Variants in HS6ST2 observed in about 807,000 individuals in gnomAD.
HS6ST2 encodes heparan-sulfate 6-O-sulfotransferase 2.
Under a neutral mutation model 33.0 loss-of-function variants are expected in HS6ST2, and 17 were observed. That is an observed-to-expected ratio of 0.52 (90% CI 0.35 to 0.77). The LOEUF (loss-of-function observed/expected upper bound fraction) is 0.77. Ranked by LOEUF, HS6ST2 falls within the 30% of genes least tolerant of loss-of-function variation. The probability of loss-of-function intolerance (pLI) is 0.01; values close to 1 mark genes in which losing one functional copy is unlikely to be tolerated. For synonymous variants in HS6ST2, 248 were observed against 237.1 expected (o/e 1.05, Z -0.42); for missense variants, 519 against 551.7 (o/e 0.94, Z 0.59).
At chrX:132,807,463 C>T in intron 2 of HS6ST2, among the ~76,000 whole-genome samples, 1 of 104,193 alleles carries the variant, frequency 9.6e-6, no homozygotes, top group East Asian at 2.8e-4. Context: ...ATGAGTAGAG[C>T]TGAAGGGAGA....
In HS6ST2 at chrX:132,787,171, A is replaced by G. The variant is rs113346127; in HGVS notation, c.948-78677T>C. On this transcript the variant is annotated intron_variant, in intron 2 of 4. Transcript: ENST00000370833. ...TGTGTGTGTGTATATATATATGTAT[A>G]TATATATATATATATACATATATAT... 5.2e-3 allele frequency among the ~76,000 whole-genome samples: 421 copies of G among 81,727 alleles called. 15 individuals carry two copies. Among genetic ancestry groups the G allele is most frequent in the African/African-American group, 0.021 (390 of 18,670 alleles). The allele number at this position is 81,727 out of a possible 115,157, so 71.0% of individuals were successfully genotyped here.
intron 2 of HS6ST2, among the ~76,000 whole-genome samples, chrX:132,774,103 T>C (rs906243424): frequency 3.6e-5 from 4 of 112,421 alleles, no homozygotes; most frequent in Non-Finnish European, 7.5e-5. Context: ...CAGCATATGA[T>C]TTAAAGGGGG....
chrX:132,680,296 G>T (rs1022839858), intron 3 of HS6ST2, among the ~76,000 whole-genome samples: 1 of 111,154 alleles, frequency 9.0e-6, no homozygotes, highest in Non-Finnish European at 1.9e-5. Context: ...TCTGTTTGGG[G>T]TCCCTGACTT....
At chrX:132,684,309 A>G (rs1201625102) in intron 3 of HS6ST2, among the ~76,000 whole-genome samples, 1 of 104,511 alleles carries the variant, frequency 9.6e-6, no homozygotes, top group Admixed American at 1.1e-4. Context: ...ACATATATGT[A>G]TATATATGTA....
At chrX:132,669,052 G>A (rs1447118917) in intron 4 of HS6ST2, 61 bp downstream of exon 4, 1 of 717,379 alleles carries the variant, frequency 1.4e-6, no homozygotes, top group East Asian at 3.3e-5. Flanking sequence ...ATGACAAAAG[G>A]AGGACAGCAC....
chrX:132,855,435 T>C (rs749919904), intron 2 of HS6ST2, among the ~76,000 whole-genome samples: 24 of 112,543 alleles, frequency 2.1e-4, no homozygotes, highest in Middle Eastern at 4.6e-3. Flanking sequence ...GAACCATGTC[T>C]ATTTATTCAC....
chrX:132,764,203 A>G (rs978245742), intron 2 of HS6ST2, among the ~76,000 whole-genome samples: 1 of 112,256 alleles, frequency 8.9e-6, no homozygotes, highest in African/African-American at 3.2e-5. Flanking sequence ...AGATCTTTCA[A>G]CCTAGTTTGC....
At chrX:132,804,217 A>G (rs1276720982) in intron 2 of HS6ST2, among the ~76,000 whole-genome samples, 1 of 111,870 alleles carries the variant, frequency 8.9e-6, no homozygotes. Context: ...TGGGAGGCCA[A>G]AAGATTCTGT....
chrX:132,838,783 A>T (rs988683064), intron 2 of HS6ST2, among the ~76,000 whole-genome samples: 1 of 109,820 alleles, frequency 9.1e-6, no homozygotes, highest in Non-Finnish European at 1.9e-5. Context: ...ATTTTTTTTT[A>T]AAAAAACACC....
intron 3 of HS6ST2, among the ~76,000 whole-genome samples, chrX:132,691,145 C>G (rs144526523): frequency 1.3e-3 from 150 of 111,573 alleles, no homozygotes; most frequent in African/African-American, 4.1e-3. Context: ...ATTGTAGACC[C>G]GATTCTAGCT....
intron 4 of HS6ST2, among the ~76,000 whole-genome samples, chrX:132,643,679 C>T (rs1418222504): frequency 9.0e-6 from 1 of 111,490 alleles, no homozygotes; most frequent in Non-Finnish European, 1.9e-5. Flanking sequence ...TCCTGAATAT[C>T]ACCCTTAAGA....
At chrX:132,787,890 CA>C (rs1249808889) in intron 2 of HS6ST2, among the ~76,000 whole-genome samples, 55 of 93,295 alleles carry the variant, frequency 5.9e-4, no homozygotes, top group Middle Eastern at 5.1e-3. Context: ...GACTCCATCT[CA>C]AAAAAAAAAA....
At chrX:132,635,556 T>G (rs2063546985) in intron 4 of HS6ST2, among the ~76,000 whole-genome samples, 1 of 111,564 alleles carries the variant, frequency 9.0e-6, no homozygotes, top group South Asian at 3.7e-4. Flanking sequence ...GTGAGCTCCC[T>G]CTATACAAGT....
chrX:132,868,335 GGAGAC>G (rs980406323), intron 2 of HS6ST2, among the ~76,000 whole-genome samples: 1 of 111,621 alleles, frequency 9.0e-6, no homozygotes, highest in Non-Finnish European at 1.9e-5. Context: ...AATAATAGTG[GGAGAC>G]TTTAACACCT....
At position 132,869,383 on chromosome X, in the gene HS6ST2, A is replaced by G. The variant is rs1472938276; in HGVS notation, c.947+87425T>C. Among the ~76,000 whole-genome samples, 34 of 112,190 alleles carry G rather than the reference A, an allele frequency of 3.0e-4. No homozygotes were observed. In the Admixed American group the frequency reaches 3.1e-3, roughly 10 times the overall value. On this transcript the variant is annotated intron_variant, in intron 2 of 4. Transcript: ENST00000370833. Reference sequence around the variant, plus strand: ...TCCTTCTGAAACTATTCCAATCAATAGAAAAAGAGGGACGCCTCCCTAACT... The same window carrying G: ...TCCTTCTGAAACTATTCCAATCAATGGAAAAAGAGGGACGCCTCCCTAACT...
At chrX:132,882,742 G>T (rs1270075689) in intron 2 of HS6ST2, among the ~76,000 whole-genome samples, 18 of 110,942 alleles carry the variant, frequency 1.6e-4, no homozygotes, top group African/African-American at 5.9e-4. Flanking sequence ...TGCCCATTCA[G>T]TATGATATTG....
chrX:132,657,518 A>G (rs1246036948), intron 4 of HS6ST2, among the ~76,000 whole-genome samples: 2 of 110,539 alleles, frequency 1.8e-5, no homozygotes, highest in African/African-American at 3.3e-5. Context: ...GAGTCTGTCA[A>G]CTTTACTTAT....
At chrX:132,668,637 G>A (rs1217669501) in intron 4 of HS6ST2, among the ~76,000 whole-genome samples, 1 of 111,741 alleles carries the variant, frequency 8.9e-6, no homozygotes, top group Admixed American at 9.5e-5. Context: ...ATAAATCAGT[G>A]ATATGGTTAA....
intron 2 of HS6ST2, among the ~76,000 whole-genome samples, chrX:132,936,087 G>C (rs1254983438): frequency 9.5e-6 from 1 of 104,992 alleles, no homozygotes; most frequent in Non-Finnish European, 2.0e-5. Flanking sequence ...TTGATAAACA[G>C]AACTTATACT....
Sources: gnomAD v4.1 joint callset for allele counts (sites outside exome capture counted in the v4.1 genomes callset) on GRCh38, gnomAD v4.1.1 for gene constraint, MANE v1.5 for transcripts, NCBI Gene and HGNC (gene_info 2026-07-23, HGNC 2026-07-21) for gene names.